Variants in RHOD observed in about 807,000 individuals in gnomAD.
RHOD encodes ras homolog family member D.
A neutral mutation model predicts 16.7 loss-of-function variants in RHOD; 11 were observed. The observed-to-expected ratio is 0.66, with a 90% CI of 0.41 to 1.09. The LOEUF is 1.09. Among genes scored for constraint, RHOD ranks in the 50% least tolerant of loss-of-function variants. The pLI is 0.00. For missense variants in RHOD, 271 were observed against 291.7 expected (o/e 0.93, Z 0.52); for synonymous variants, 124 against 126.3 (o/e 0.98, Z 0.12).
intron 4 of RHOD, among the ~76,000 whole-genome samples, 173 bp from the exon 5 acceptor site, chr11:67,071,258 TAAAG>T (rs1296245240): frequency 6.6e-6 from 1 of 151,526 alleles, no homozygotes; most frequent in African/African-American, 2.4e-5. Context: ...ATAATAAAAA[TAAAG>T]AAAAGAAAAA....
chr11:67,062,919 A>G (rs1024747348), intron 1 of RHOD, among the ~76,000 whole-genome samples: 3 of 152,188 alleles, frequency 2.0e-5, no homozygotes, highest in African/African-American at 2.4e-5. Context: ...CCCATCTTAC[A>G]AAAGCTCCCT....
chr11:67,057,245 C>T (rs1193982539), intron 1 of RHOD, among the ~76,000 whole-genome samples: 2 of 152,208 alleles, frequency 1.3e-5, no homozygotes, highest in Non-Finnish European at 2.9e-5. Context: ...TGGCATCCAC[C>T]GGGGAGAGGT....
intron 1 of RHOD, among the ~76,000 whole-genome samples, chr11:67,061,574 G>A (rs1165435976): frequency 1.3e-5 from 2 of 150,358 alleles, no homozygotes; most frequent in Admixed American, 1.3e-4. Context: ...AGATGTTGTG[G>A]GGAGCTGAGA....
chr11:67,064,337 C>G (rs191550200), intron 1 of RHOD, among the ~76,000 whole-genome samples: 1 of 137,284 alleles, frequency 7.3e-6, no homozygotes, highest in African/African-American at 2.8e-5. Context: ...ACCTGGGAGG[C>G]GGAGGTTGCA....
intron 1 of RHOD, among the ~76,000 whole-genome samples, chr11:67,061,410 A>G (rs1854885117): frequency 6.6e-6 from 1 of 152,158 alleles, no homozygotes; most frequent in Admixed American, 6.5e-5. Flanking sequence ...AGGCGGGTGG[A>G]TCACCTGAGG....
Position 67,071,600 on chromosome 11 carries a change from T to C in RHOD, c.631T>C (p.Ter211ArgextTer15). Residue 211 changes from the stop codon to arginine (R), a stop_lost, in exon 5 of 5, where the codon TGA becomes CGA. Transcript: ENST00000308831. ...RITQGFCVVT[*>R] ...TACCCAGGGCTTTTGCGTGGTGACC[T>C]GAGCGGCTCGGGGCGTCCCAGCGAC... The C allele has an allele frequency of 6.3e-7, 1 of 1,596,288 alleles. No individual in the cohort carries two copies. The highest frequency in any genetic ancestry group is 1.7e-5 in the Admixed American group (1 of 58,400).
intron 1 of RHOD, among the ~76,000 whole-genome samples, chr11:67,062,338 C>T (rs970724499): frequency 1.3e-5 from 2 of 152,166 alleles, no homozygotes; most frequent in African/African-American, 2.4e-5. Flanking sequence ...TGCTGGAGCC[C>T]GGTCTTAAGC....
At chr11:67,061,489 G>A (rs1410206176) in intron 1 of RHOD, among the ~76,000 whole-genome samples, 2 of 151,804 alleles carry the variant, frequency 1.3e-5, no homozygotes, top group South Asian at 2.1e-4. Context: ...AAAATTAGCC[G>A]GGCGTGGTGG....
At chr11:67,070,211 T>C (rs967958422) in intron 3 of RHOD, 6 of 645,498 alleles carry the variant, frequency 9.3e-6, no homozygotes, top group Non-Finnish European at 1.7e-5. Flanking sequence ...GGATTGGTTG[T>C]GAACTTGCTG....
At chr11:67,068,254 C>G (rs1854984621) in intron 3 of RHOD, among the ~76,000 whole-genome samples, 1 of 152,206 alleles carries the variant, frequency 6.6e-6, no homozygotes, top group African/African-American at 2.4e-5. Flanking sequence ...GGCAGTCCAG[C>G]TGGGCAGCCT....
rs754250113 is a variant in RHOD, at chr11:67,070,516, A to C, written c.422A>C (p.Asn141Thr). ...TDLRKDKSLV[N>T]KLRRNGLEPV... Reference sequence around the variant, plus strand: ...CTGCGCAAGGACAAATCACTGGTGAACAAGCTCCGAAGAAACGGATTGGAG... The same window carrying C: ...CTGCGCAAGGACAAATCACTGGTGACCAAGCTCCGAAGAAACGGATTGGAG... The change falls in exon 4 of 5, where the codon AAC becomes ACC. Residue 141 changes from asparagine (N) to threonine (T), a missense_variant. By Grantham distance (65) the Asn-to-Thr change is moderately conservative (BLOSUM62 0). Coordinates refer to ENST00000308831, the MANE Select transcript of RHOD (RefSeq NM_014578.4). The C allele has an allele frequency of 1.5e-5, 24 of 1,614,034 alleles. No homozygotes were observed. Among genetic ancestry groups the C allele is most frequent in the Non-Finnish European group, 1.9e-5 (23 of 1,180,052 alleles).
Position 67,066,808 on chromosome 11 carries a change from T to C in RHOD, c.291T>C (p.Asp97=), listed in dbSNP as rs1238529247. The change falls in exon 3 of 5, where the codon GAT becomes GAC. Residue 97 remains aspartate, a synonymous_variant. Transcript: ENST00000308831. The part of the protein sequence containing the change: ...PDASVLLLCF[D]VTSPNSFDNI... ...CCAGCGTCCTGCTGCTTTGCTTCGA[T>C]GTCACCAGCCCGAACAGCTTTGACA... 2.5e-6 allele frequency: 4 copies of C among 1,613,948 alleles called. No homozygotes were observed. Among genetic ancestry groups the C allele is most frequent in the African/African-American group, 2.7e-5 (2 of 74,950 alleles).
At position 67,067,524 on chromosome 11, in the gene RHOD, C is replaced by T. The variant is rs530817190; in HGVS notation, c.330+677C>T. Among the ~76,000 whole-genome samples the T allele has an allele frequency of 6.0e-4, 91 of 152,290 alleles. No individual in the cohort carries two copies. The South Asian group carries it at 0.013, about 22-fold the overall frequency. ...ATTATTATTCCCGGATCCAGTCACT[C>T]GTCCAAAGATACACATCTATTAAAG... On this transcript the variant is annotated intron_variant, in intron 3 of 4. Transcript: ENST00000308831.
At chr11:67,058,154 C>T (rs186402762) in intron 1 of RHOD, among the ~76,000 whole-genome samples, 1,712 of 152,222 alleles carry the variant, frequency 0.011, 8 homozygotes, top group Middle Eastern at 0.02. Flanking sequence ...CACCACCACG[C>T]CTAGCTAATT....
intron 1 of RHOD, among the ~76,000 whole-genome samples, chr11:67,063,529 G>A (rs955256462): frequency 6.9e-6 from 1 of 145,736 alleles, no homozygotes; most frequent in Non-Finnish European, 1.5e-5. Context: ...CAGGCGTGGT[G>A]GCTCATGCCT....
rs1273357674 is a variant in RHOD at position 67,066,773 on chromosome 11, T to A, written c.256T>A (p.Tyr86Asn). The change falls in exon 3 of 5, where the codon TAC becomes AAC. Residue 86 changes from tyrosine (Y) to asparagine (N), a missense_variant. By Grantham distance (143) the Tyr-to-Asn change is moderately radical. Coordinates refer to ENST00000308831, the MANE Select transcript of RHOD (RefSeq NM_014578.4). ...DDYDRLRPLFYPDASVLLLCF... is the reference protein window; with the variant it reads ...DDYDRLRPLFNPDASVLLLCF... The stretch of plus-strand genomic sequence containing the variant: ...CTATGACCGCCTGCGGCCCCTGTTC[T>A]ACCCTGACGCCAGCGTCCTGCTGCT... The A allele has an allele frequency of 6.2e-7, 1 of 1,613,894 alleles. No individual in the cohort carries two copies. Among genetic ancestry groups the A allele is most frequent in the Non-Finnish European group, 8.5e-7 (1 of 1,179,864 alleles).
intron 1 of RHOD, among the ~76,000 whole-genome samples, chr11:67,065,062 G>T (rs1245596003): frequency 6.6e-6 from 1 of 151,794 alleles, no homozygotes; most frequent in Non-Finnish European, 1.5e-5. Context: ...TCCTTGTAGC[G>T]GCACTGCGGT....
At chr11:67,070,649 T>A in intron 4 of RHOD, 90 bp downstream of exon 4, 1 of 1,527,646 alleles carries the variant, frequency 6.5e-7, no homozygotes, top group Non-Finnish European at 9.0e-7. Context: ...TCCAGAACGC[T>A]CAGGGTGTAG....
At position 67,063,490 on chromosome 11, in the gene RHOD, CTTT is replaced by C. The variant is rs1233216193; in HGVS notation, c.133-2390_133-2388del. Among the ~76,000 whole-genome samples, 507 of 125,114 alleles carry C rather than the reference CTTT, an allele frequency of 4.1e-3. 5 individuals carry two copies. Among genetic ancestry groups the C allele is most frequent in the African/African-American group, 0.014 (449 of 31,706 alleles). The allele number at this position is 125,114 out of a possible 152,430, so 82.1% of individuals were successfully genotyped here. On this transcript the variant is annotated intron_variant, in intron 1 of 4. Coordinates refer to ENST00000308831, the MANE Select transcript of RHOD (RefSeq NM_014578.4). ...CCTGGGTGACAGAGTGAGACCCTAT[CTTT>C]TTTTTTTTTTTTTTTAAAAAAAGGC...
Sources: gnomAD v4.1 joint callset for allele counts (sites outside exome capture counted in the v4.1 genomes callset) on GRCh38, gnomAD v4.1.1 for gene constraint, MANE v1.5 for transcripts, NCBI Gene and HGNC (gene_info 2026-07-23, HGNC 2026-07-21) for gene names.